Variants in MSRA observed in about 807,000 individuals in gnomAD.
The protein encoded by MSRA is mitochondrial peptide methionine sulfoxide reductase.
MSRA carries 54 observed loss-of-function variants against 31.3 expected under a neutral mutation model. The observed-to-expected ratio is 1.73, with a 90% confidence interval of 1.39 to 2.17. MSRA has a LOEUF of 2.17. Ranked by LOEUF, MSRA falls within the 30% of genes most tolerant of loss-of-function variation. The probability of loss-of-function intolerance (pLI) is 0.00; values close to 1 mark genes in which losing one functional copy is unlikely to be tolerated. For synonymous variants in MSRA, 169 were observed against 116.5 expected (o/e 1.45, Z -2.90); for missense variants, 507 against 300.9 (o/e 1.69, Z -5.07).
intron 1 of MSRA, among the ~76,000 whole-genome samples, chr8:10,065,754 G>C (rs1797424616): frequency 1.3e-5 from 2 of 152,174 alleles, no homozygotes; most frequent in South Asian, 4.1e-4. Context: ...CGGATGGTTG[G>C]TAAAGGAAAT....
chr8:10,408,036 C>A (rs1807926465), intron 5 of MSRA, among the ~76,000 whole-genome samples: 1 of 152,104 alleles, frequency 6.6e-6, no homozygotes, highest in Admixed American at 6.5e-5. Flanking sequence ...AGCTTCGACA[C>A]CACATTCTAA....
chr8:10,280,367 T>TAGTTC (rs1799556195), intron 3 of MSRA, among the ~76,000 whole-genome samples: 1 of 150,946 alleles, frequency 6.6e-6, no homozygotes, highest in Non-Finnish European at 1.5e-5. Flanking sequence ...TTCTAATAAT[T>TAGTTC]AATTCAAGTT....
At chr8:10,087,385 G>A (rs1387155532) in intron 1 of MSRA, among the ~76,000 whole-genome samples, 2 of 152,122 alleles carry the variant, frequency 1.3e-5, no homozygotes, top group East Asian at 1.9e-4. Flanking sequence ...CTCCATGATG[G>A]CAGGGGCTCC....
At chr8:10,093,446 C>G (rs916661086) in intron 1 of MSRA, among the ~76,000 whole-genome samples, 1 of 152,084 alleles carries the variant, frequency 6.6e-6, no homozygotes, top group East Asian at 1.9e-4. Flanking sequence ...AAAAACTTTG[C>G]TCCTATATAG....
intron 1 of MSRA, among the ~76,000 whole-genome samples, chr8:10,126,927 C>T (rs772482030): frequency 1.3e-5 from 2 of 152,226 alleles, no homozygotes; most frequent in Non-Finnish European, 2.9e-5. Flanking sequence ...GGAGGCGGAG[C>T]TCAGGCAGTA....
intron 2 of MSRA, among the ~76,000 whole-genome samples, chr8:10,220,343 G>T (rs185718190): frequency 1.3e-5 from 2 of 152,118 alleles, no homozygotes; most frequent in African/African-American, 4.8e-5. Context: ...CCAGATTTCA[G>T]CTGGGATTCC....
chr8:10,203,362 G>C (rs1360498481), intron 1 of MSRA, among the ~76,000 whole-genome samples: 1 of 152,134 alleles, frequency 6.6e-6, no homozygotes, highest in Non-Finnish European at 1.5e-5. Context: ...CATTTTCAAT[G>C]ATCATTTTAT....
At chr8:10,397,348 G>A (rs1246231309) in intron 5 of MSRA, among the ~76,000 whole-genome samples, 5 of 152,202 alleles carry the variant, frequency 3.3e-5, no homozygotes, top group Non-Finnish European at 7.3e-5. Context: ...AATGTTGCTT[G>A]GGTTGAGCTC....
At chr8:10,399,445 C>T (rs1435206151) in intron 5 of MSRA, among the ~76,000 whole-genome samples, 1 of 152,152 alleles carries the variant, frequency 6.6e-6, no homozygotes, top group Non-Finnish European at 1.5e-5. Flanking sequence ...GAGTGAGTTG[C>T]CAGTCAGTTA....
intron 1 of MSRA, among the ~76,000 whole-genome samples, chr8:10,056,119 T>C (rs1298974322): frequency 6.9e-6 from 1 of 144,996 alleles, no homozygotes; most frequent in Non-Finnish European, 1.5e-5. Flanking sequence ...GCGATACTTT[T>C]CAAATGCCAG....
At chr8:10,244,506 C>T (rs1211070793) in intron 2 of MSRA, among the ~76,000 whole-genome samples, 1 of 152,128 alleles carries the variant, frequency 6.6e-6, no homozygotes, top group Non-Finnish European at 1.5e-5. Flanking sequence ...AAACCCTTCT[C>T]CTGCGTTCAT....
chr8:10,346,040 A>G (rs1803752698), intron 5 of MSRA, among the ~76,000 whole-genome samples: 1 of 144,132 alleles, frequency 6.9e-6, no homozygotes, highest in Non-Finnish European at 1.6e-5. Flanking sequence ...GGCTCATTGT[A>G]TTGTGTTTAT....
intron 4 of MSRA, among the ~76,000 whole-genome samples, chr8:10,303,559 C>T (rs1164242967): frequency 2.0e-5 from 3 of 152,206 alleles, no homozygotes; most frequent in African/African-American, 2.4e-5. Flanking sequence ...AAGGTTGTAG[C>T]GTGATCCAGT....
intron 1 of MSRA, among the ~76,000 whole-genome samples, chr8:10,190,398 GCC>G (rs1807409096): frequency 6.6e-6 from 1 of 152,174 alleles, no homozygotes; most frequent in African/African-American, 2.4e-5. Flanking sequence ...AAGGCCTCCT[GCC>G]CCCGTCAGTG....
intron 3 of MSRA, among the ~76,000 whole-genome samples, chr8:10,254,546 A>T (rs1189749216): frequency 6.6e-6 from 1 of 152,230 alleles, no homozygotes; most frequent in African/African-American, 2.4e-5. Flanking sequence ...TGTAATCCAC[A>T]ACTCATTCTA....
intron 2 of MSRA, among the ~76,000 whole-genome samples, chr8:10,216,769 T>C (rs911430834): frequency 6.6e-6 from 1 of 152,256 alleles, no homozygotes; most frequent in African/African-American, 2.4e-5. Context: ...TATCCCATTG[T>C]ATCTATAGAC....
At chr8:10,085,552 C>T (rs961166002) in intron 1 of MSRA, among the ~76,000 whole-genome samples, 2 of 152,294 alleles carry the variant, frequency 1.3e-5, no homozygotes, top group East Asian at 1.9e-4. Flanking sequence ...GATACGGTAC[C>T]TTGGATGGTT....
intron 5 of MSRA, among the ~76,000 whole-genome samples, chr8:10,376,693 G>T (rs1210364433): frequency 6.6e-6 from 1 of 152,180 alleles, no homozygotes; most frequent in East Asian, 1.9e-4. Context: ...TTTTGAACCA[G>T]TTTTAGTGAT....
chr8:10,372,949 T>G (rs139181449), intron 5 of MSRA, among the ~76,000 whole-genome samples: 1 of 152,252 alleles, frequency 6.6e-6, no homozygotes, highest in Middle Eastern at 3.2e-3. Context: ...AGTGCAGTGC[T>G]GCGATCTCGG....
Sources: gnomAD v4.1 joint callset for allele counts (sites outside exome capture counted in the v4.1 genomes callset) on GRCh38, gnomAD v4.1.1 for gene constraint, MANE v1.5 for transcripts, NCBI Gene and HGNC (gene_info 2026-07-23, HGNC 2026-07-21) for gene names.